Variants in MCM9 observed in about 807,000 individuals in gnomAD.
MCM9 encodes the protein minichromosome maintenance 9 homologous recombination repair factor.
MCM9 carries 55 observed loss-of-function variants against 72.8 expected under a neutral mutation model. The observed-to-expected ratio is 0.76, with a 90% CI of 0.61 to 0.95. The LOEUF (loss-of-function observed/expected upper bound fraction) is 0.95. MCM9 is among the 40% of genes least tolerant of loss of function. The pLI, the probability that MCM9 is intolerant of heterozygous loss-of-function variation, is 0.00. For synonymous variants in MCM9, 480 were observed against 503.4 expected, an observed-to-expected ratio of 0.95 and a Z score of 0.62; for missense variants, 1,279 against 1,377.0, an observed-to-expected ratio of 0.93 and a Z score of 1.13.
chr6:118,871,429 C>T (rs573603533), intron 8 of MCM9, among the ~76,000 whole-genome samples: 2 of 152,294 alleles, frequency 1.3e-5, no homozygotes, highest in South Asian at 2.1e-4. Flanking sequence ...AGTAAACATC[C>T]TTTCAGGATA....
intron 3 of MCM9, 23 bp from the exon 4 acceptor site, chr6:118,924,150 A>T: frequency 6.3e-7 from 1 of 1,594,920 alleles, no homozygotes; most frequent in Non-Finnish European, 8.6e-7. Flanking sequence ...ACAAAAAAAC[A>T]GCATCAACTT....
At chr6:118,911,539 T>A in intron 8 of MCM9, 111 bp downstream of exon 8, 1 of 1,412,626 alleles carries the variant, frequency 7.1e-7, no homozygotes. Context: ...TAGTGGTAAC[T>A]CAAAAATTAG....
chr6:118,933,666 T>G (rs1244359385), intron 1 of MCM9, among the ~76,000 whole-genome samples: 1 of 152,176 alleles, frequency 6.6e-6, no homozygotes, highest in African/African-American at 2.4e-5. Context: ...GTTCACAGTT[T>G]ATCATCCTAA....
At chr6:118,933,544 A>G (rs1254566125) in intron 1 of MCM9, among the ~76,000 whole-genome samples, 16 of 151,934 alleles carry the variant, frequency 1.1e-4, no homozygotes, top group Admixed American at 9.2e-4. Context: ...TTTCGTTTGG[A>G]AAGAGATTGA....
intron 8 of MCM9, among the ~76,000 whole-genome samples, chr6:118,885,742 A>G (rs1778557269): frequency 6.6e-6 from 1 of 152,226 alleles, no homozygotes; most frequent in Admixed American, 6.5e-5. Context: ...CGAAAATTTA[A>G]AGAATCAAAC....
intron 9 of MCM9, among the ~76,000 whole-genome samples, chr6:118,837,117 A>C (rs529792604): frequency 6.6e-6 from 1 of 152,062 alleles, no homozygotes; most frequent in African/African-American, 2.4e-5. Context: ...TTTCTGCCTT[A>C]ATTTCGTTAT....
chr6:118,841,602 C>T (rs539167176), intron 9 of MCM9, among the ~76,000 whole-genome samples: 6 of 152,316 alleles, frequency 3.9e-5, no homozygotes, highest in African/African-American at 1.2e-4. Flanking sequence ...AGTAGGCTTG[C>T]ACCAGAAAAC....
chr6:118,894,791 G>C (rs548311936), intron 8 of MCM9, among the ~76,000 whole-genome samples: 25 of 152,334 alleles, frequency 1.6e-4, no homozygotes, highest in Admixed American at 7.8e-4. Flanking sequence ...GTCTGCGGGC[G>C]GGCAGCTCGG....
intron 3 of MCM9, among the ~76,000 whole-genome samples, chr6:118,929,446 A>T (rs1390820859): frequency 2.0e-5 from 3 of 152,198 alleles, no homozygotes; most frequent in Non-Finnish European, 4.4e-5. Flanking sequence ...GCAAATGCCT[A>T]CTGATGTTTT....
intron 3 of MCM9, among the ~76,000 whole-genome samples, chr6:118,930,107 A>ATTT (rs1339123737): frequency 7.1e-6 from 1 of 141,266 alleles, no homozygotes; most frequent in Non-Finnish European, 1.6e-5. Flanking sequence ...TTATTTATTT[A>ATTT]TTTTATTTTA....
intron 11 of MCM9, among the ~76,000 whole-genome samples, chr6:118,827,666 G>A (rs1774252331): frequency 1.3e-5 from 2 of 152,046 alleles, no homozygotes; most frequent in South Asian, 4.2e-4. Flanking sequence ...GGCTTTCTAA[G>A]TGAATGGTAT....
intron 9 of MCM9, among the ~76,000 whole-genome samples, chr6:118,851,949 T>C (rs1776251294): frequency 6.6e-6 from 1 of 152,150 alleles, no homozygotes; most frequent in Non-Finnish European, 1.5e-5. Flanking sequence ...CAGTTATAGG[T>C]TGCTTAACAA....
intron 8 of MCM9, among the ~76,000 whole-genome samples, chr6:118,862,578 G>T (rs1776971600): frequency 6.6e-6 from 1 of 152,164 alleles, no homozygotes; most frequent in Admixed American, 6.5e-5. Context: ...CACATGCACA[G>T]TTCACCATAG....
intron 9 of MCM9, among the ~76,000 whole-genome samples, chr6:118,854,350 T>TTTG (rs892480943): frequency 3.9e-5 from 6 of 152,106 alleles, no homozygotes; most frequent in African/African-American, 1.2e-4. Flanking sequence ...GCAGGTGTTT[T>TTTG]TTGTTGTTGT....
Position 118,904,878 on chromosome 6 carries a change from G to A in MCM9, c.1150+6772C>T, listed in dbSNP as rs569986659. 2.8e-4 allele frequency among the ~76,000 whole-genome samples: 43 copies of A among 152,106 alleles called. No individual in the cohort carries two copies. In the South Asian group the frequency reaches 7.1e-3, roughly 25 times the overall value. ...GTTTGAGACGGAGTCTCACTCTGTC[G>A]CCAGGCTGGAGTGCAGTAGTGCGAT... On this transcript the variant is annotated intron_variant, in intron 8 of 13. Transcript: ENST00000619706.
At chr6:118,895,813 T>C (rs1489627066) in intron 8 of MCM9, among the ~76,000 whole-genome samples, 1 of 152,160 alleles carries the variant, frequency 6.6e-6, no homozygotes, top group South Asian at 2.1e-4. Context: ...TTGAAGATGA[T>C]TTAGGTAATC....
chr6:118,926,877 G>A (rs868224002), intron 3 of MCM9, among the ~76,000 whole-genome samples: 2 of 151,998 alleles, frequency 1.3e-5, no homozygotes, highest in Non-Finnish European at 2.9e-5. Flanking sequence ...CAGTCACTAA[G>A]TACTCTCTAT....
chr6:118,852,616 G>A (rs1776303378), intron 9 of MCM9, among the ~76,000 whole-genome samples: 2 of 152,282 alleles, frequency 1.3e-5, no homozygotes, highest in African/African-American at 2.4e-5. Flanking sequence ...TACCAAGCAG[G>A]GAAGAGATGA....
At chr6:118,849,720 C>A (rs991607825) in intron 9 of MCM9, among the ~76,000 whole-genome samples, 2 of 151,780 alleles carry the variant, frequency 1.3e-5, no homozygotes, top group African/African-American at 2.4e-5. Flanking sequence ...TGCAGAATTT[C>A]TAAAACACGA....
Sources: allele counts gnomAD v4.1 joint callset (sites outside exome capture counted in the v4.1 genomes callset), GRCh38; gene constraint gnomAD v4.1.1; transcripts MANE v1.5; gene names NCBI Gene and HGNC (gene_info 2026-07-23, HGNC 2026-07-21).